RUNX1: variants seen among roughly 807,000 people sequenced by gnomAD.
The protein encoded by RUNX1 is runt-related transcription factor 1.
In RUNX1, 19 loss-of-function variants were observed where a neutral mutation model predicts 42.8. The ratio of observed to expected loss-of-function variants is 0.44; its 90% CI spans 0.31 to 0.65. The LOEUF is 0.65. Ranked by LOEUF, RUNX1 falls within the 30% of genes least tolerant of loss-of-function variation. The pLI is 0.07. For missense variants in RUNX1, 528 were observed against 672.0 expected (o/e 0.79, Z 2.37); for synonymous variants, 271 against 289.4 (o/e 0.94, Z 0.64).
chr21:34,999,579 T>G (rs1306814594), intron 2 of RUNX1, among the ~76,000 whole-genome samples: 4 of 152,186 alleles, frequency 2.6e-5, no homozygotes, highest in Non-Finnish European at 4.4e-5. Flanking sequence ...GGAACACGTG[T>G]GTTCTGAACT....
At chr21:34,806,223 A>G (rs940722821) in intron 7 of RUNX1, among the ~76,000 whole-genome samples, 10 of 152,206 alleles carry the variant, frequency 6.6e-5, no homozygotes, top group Non-Finnish European at 1.5e-4. Context: ...ACCCAACTAC[A>G]TATTGTCTAC....
intron 2 of RUNX1, among the ~76,000 whole-genome samples, chr21:34,894,840 G>C (rs1262653827): frequency 6.8e-6 from 1 of 147,872 alleles, no homozygotes; most frequent in African/African-American, 2.5e-5. Context: ...GAGAGTTCAG[G>C]TAACTTGCCC....
In RUNX1 at chr21:34,792,097, G is replaced by A. The variant is rs1298938062; in HGVS notation, c.*38C>T. 4 of 1,281,484 alleles carry A rather than the reference G, an allele frequency of 3.1e-6. No individual in the cohort carries two copies. In the Admixed American group the frequency reaches 1.7e-4, roughly 53 times the overall value. 79.4% of individuals were successfully genotyped at this position (1,281,484 alleles called of 1,614,324 possible). ...GGCCCGCGCGCCCGGAGGCGAAGGC[G>A]GCGGCCCGCGGGGCCCAGCCGGGCC... is the stretch of plus-strand genomic sequence containing the variant. On this transcript the variant is annotated 3_prime_UTR_variant, in exon 9 of 9. Transcript: ENST00000675419. The surrounding 1 kb of genome is among the most constrained non-coding windows in gnomAD (Gnocchi z 6.9).
intron 5 of RUNX1, among the ~76,000 whole-genome samples, chr21:34,868,902 G>A (rs2057699828): frequency 6.6e-6 from 1 of 152,128 alleles, no homozygotes; most frequent in South Asian, 2.1e-4. Context: ...TGGGGGGTGG[G>A]GCAGAGGGAG....
At chr21:34,859,675 A>G (rs2057544142) in intron 5 of RUNX1, 97 bp from the exon 6 acceptor site, 1 of 1,043,048 alleles carries the variant, frequency 9.6e-7, no homozygotes, top group Admixed American at 1.7e-5. Context: ...CCAGCCCTTC[A>G]GCACAAGTTA....
At chr21:34,928,956 T>A (rs1277517387) in intron 2 of RUNX1, among the ~76,000 whole-genome samples, 2 of 85,252 alleles carry the variant, frequency 2.3e-5, no homozygotes, top group African/African-American at 3.7e-5. Context: ...TCTACAGATT[T>A]TTTTTGGGGG....
intron 2 of RUNX1, among the ~76,000 whole-genome samples, chr21:34,999,252 G>T (rs909177200): frequency 2.0e-5 from 3 of 152,224 alleles, no homozygotes; most frequent in Non-Finnish European, 4.4e-5. Context: ...GGGAGGCCGT[G>T]GCTCCAGGCC....
rs1403337524 is a variant in RUNX1, at chr21:34,789,108, A to G, written c.*3027T>C. The G allele has an allele frequency of 1.3e-5, 3 of 233,226 alleles. No homozygotes were observed. Among genetic ancestry groups the G allele is most frequent in the East Asian group, 6.0e-5 (1 of 16,592 alleles). 14.4% of individuals were successfully genotyped at this position (233,226 alleles called of 1,614,324 possible). A position where few individuals can be genotyped will look rare whatever the true frequency, so the allele number is the denominator to read the frequency against. On this transcript the variant is annotated 3_prime_UTR_variant, in exon 9 of 9. Coordinates refer to ENST00000675419, the MANE Select transcript of RUNX1 (RefSeq NM_001754.5). ...CTGGTTTGGACAGCAAGCAGATCCA[A>G]TATGGTTGGCAATGTCTCTGTTCTG...
chr21:34,885,324 CT>C (rs2057966168), intron 4 of RUNX1, among the ~76,000 whole-genome samples: 1 of 152,130 alleles, frequency 6.6e-6, no homozygotes, highest in Non-Finnish European at 1.5e-5. Flanking sequence ...TGCGGGTGCC[CT>C]AAAGAGTCAT....
intron 2 of RUNX1, among the ~76,000 whole-genome samples, chr21:34,982,717 G>A (rs370703320): frequency 5.3e-5 from 8 of 152,104 alleles, no homozygotes; most frequent in African/African-American, 9.6e-5. Flanking sequence ...TTACAGGCGC[G>A]TGCCACAACA....
At chr21:34,889,025 G>C (rs1212542941) in intron 3 of RUNX1, among the ~76,000 whole-genome samples, 1 of 151,314 alleles carries the variant, frequency 6.6e-6, no homozygotes, top group East Asian at 1.9e-4. Flanking sequence ...CCACGGTCCG[G>C]AGACCTGGAA....
intron 2 of RUNX1, among the ~76,000 whole-genome samples, chr21:34,914,617 C>G (rs2058297662): frequency 6.6e-6 from 1 of 152,176 alleles, no homozygotes; most frequent in African/African-American, 2.4e-5. Context: ...ACTCAGGGAA[C>G]TCAGTTCCCT....
chr21:34,806,011 A>G (rs1022058010), intron 7 of RUNX1, among the ~76,000 whole-genome samples: 4 of 152,218 alleles, frequency 2.6e-5, no homozygotes, highest in South Asian at 4.1e-4. Context: ...AACAGAGGAG[A>G]TAAAATGGAA....
rs56957776 is a variant in RUNX1, at chr21:34,823,430, G to GTTT, written c.805+10977_805+10979dup. Among the ~76,000 whole-genome samples, 106 of 99,646 alleles carry GTTT rather than the reference G, an allele frequency of 1.1e-3. 7 individuals are homozygous for GTTT. The highest frequency in any genetic ancestry group is 5.0e-3 in the African/African-American group (98 of 19,518). 65.4% of individuals were successfully genotyped at this position (99,646 alleles called of 152,430 possible). On this transcript the variant is annotated intron_variant, in intron 7 of 8. Transcript: ENST00000675419. ...TAAGCACCATTTCCATTCCTGGTGG[G>GTTT]TTTTTTTTTTTTTTTTTTTTTTTTT...
intron 7 of RUNX1, among the ~76,000 whole-genome samples, chr21:34,805,450 A>G (rs561036427): frequency 3.4e-4 from 52 of 152,356 alleles, no homozygotes; most frequent in African/African-American, 1.1e-3. Context: ...CAAAGAGAAG[A>G]GAAAATCTTG....
intron 2 of RUNX1, among the ~76,000 whole-genome samples, chr21:35,008,416 G>A (rs369806655): frequency 2.6e-5 from 4 of 152,152 alleles, no homozygotes; most frequent in Admixed American, 6.5e-5. Flanking sequence ...TGTTCAATAC[G>A]TGAGGGTGAC....
intron 2 of RUNX1, among the ~76,000 whole-genome samples, chr21:34,964,281 G>T (rs2146717544): frequency 6.6e-6 from 1 of 152,206 alleles, no homozygotes; most frequent in East Asian, 1.9e-4. Flanking sequence ...TAGGTCAGGA[G>T]ATCGAGACCA....
chr21:35,022,807 A>G (rs1289064643), intron 2 of RUNX1, among the ~76,000 whole-genome samples: 1 of 151,848 alleles, frequency 6.6e-6, no homozygotes, highest in East Asian at 1.9e-4. Context: ...AGGCAGGAGA[A>G]TTGCTTGAAC....
At chr21:34,947,340 T>A (rs989423163) in intron 2 of RUNX1, among the ~76,000 whole-genome samples, 1 of 152,150 alleles carries the variant, frequency 6.6e-6, no homozygotes, top group African/African-American at 2.4e-5. Flanking sequence ...TAAACATGTA[T>A]CTATTTACCA....
Sources: gnomAD v4.1 joint callset for allele counts (sites outside exome capture counted in the v4.1 genomes callset) on GRCh38, gnomAD v4.1.1 for gene constraint, Gnocchi (gnomAD v3.1) non-coding constraint, MANE v1.5 for transcripts, NCBI Gene and HGNC (gene_info 2026-07-23, HGNC 2026-07-21) for gene names.